NDC1: variants seen among roughly 807,000 people sequenced by gnomAD.
NDC1 encodes the protein nucleoporin NDC1.
A neutral mutation model predicts 89.8 loss-of-function variants in NDC1; 24 were observed. That is an observed-to-expected ratio of 0.27 (90% CI 0.19 to 0.38). The LOEUF (loss-of-function observed/expected upper bound fraction) is 0.38. Among genes scored for constraint, NDC1 ranks in the 10% least tolerant of loss-of-function variants. The pLI, the probability that NDC1 is intolerant of heterozygous loss-of-function variation, is 1.00. For missense variants in NDC1, 728 were observed against 797.6 expected (o/e 0.91, Z 1.05); for synonymous variants, 296 against 284.8 (o/e 1.04, Z -0.39).
intron 11 of NDC1, 62 bp downstream of exon 11, chr1:53,800,631 A>G: frequency 6.3e-7 from 1 of 1,579,106 alleles, no homozygotes; most frequent in Non-Finnish European, 8.7e-7. Flanking sequence ...AGTCTACTAC[A>G]GTCATCTTTC....
At chr1:53,771,149 T>G (rs1379881507) in intron 17 of NDC1, 1 of 193,130 alleles carries the variant, frequency 5.2e-6, no homozygotes, top group Non-Finnish European at 1.1e-5. Flanking sequence ...TCTACGGGTA[T>G]GCCCTTCTCC....
chr1:53,823,530 G>A (rs1221293575), intron 5 of NDC1, among the ~76,000 whole-genome samples: 3 of 152,172 alleles, frequency 2.0e-5, no homozygotes, highest in Admixed American at 6.5e-5. Flanking sequence ...ACTTCTATGT[G>A]CACTCTACTG....
chr1:53,820,701 CTTTTTTTTTT>C (rs927514677), intron 5 of NDC1, among the ~76,000 whole-genome samples: 30 of 74,880 alleles, frequency 4.0e-4, no homozygotes, highest in African/African-American at 1.5e-3. Context: ...ACTTCTCTCT[CTTTTTTTTTT>C]TTTTTTTTTT....
Position 53,835,548 on chromosome 1 carries a change from T to A in NDC1, c.130A>T (p.Ile44Leu). 1 of 1,613,496 alleles carries A rather than the reference T, an allele frequency of 6.2e-7. No homozygotes were observed. Among genetic ancestry groups the A allele is most frequent in the Non-Finnish European group, 8.5e-7 (1 of 1,179,522 alleles). Residue 44 changes from isoleucine (I) to leucine (L), a missense_variant, in exon 2 of 18, where the codon ATA (isoleucine) becomes TTA (leucine). By Grantham distance (5) the Ile-to-Leu change is conservative. Coordinates refer to ENST00000371429, the MANE Select transcript of NDC1 (RefSeq NM_018087.5). Reference protein sequence around the residue: ...LFLPICTTVFIIFSRIDLFHP... With the variant: ...LFLPICTTVFLIFSRIDLFHP... ...AACAAATCAATCCTGCTGAAAATTATAAATACTGTGGTGCAGATGGGTAGA... is the reference window on the plus strand; with the variant it reads ...AACAAATCAATCCTGCTGAAAATTAAAAATACTGTGGTGCAGATGGGTAGA...
chr1:53,813,084 C>T (rs568736350), intron 6 of NDC1, among the ~76,000 whole-genome samples: 40 of 152,264 alleles, frequency 2.6e-4, no homozygotes, highest in African/African-American at 9.6e-4. Context: ...ACCAAGCCAC[C>T]ATTACAAGAA....
At chr1:53,808,317 A>T (rs1648182867) in intron 7 of NDC1, among the ~76,000 whole-genome samples, 1 of 152,240 alleles carries the variant, frequency 6.6e-6, no homozygotes, top group Non-Finnish European at 1.5e-5. Context: ...TGACTAGATC[A>T]ATTAGCAAAG....
At chr1:53,828,424 T>C (rs1036453439) in intron 3 of NDC1, among the ~76,000 whole-genome samples, 3 of 151,994 alleles carry the variant, frequency 2.0e-5, no homozygotes, top group Non-Finnish European at 4.4e-5. Flanking sequence ...ATGATCAACA[T>C]TTTTCATTAA....
At chr1:53,790,931 A>G (rs1467188143) in intron 14 of NDC1, among the ~76,000 whole-genome samples, 1 of 152,094 alleles carries the variant, frequency 6.6e-6, no homozygotes, top group Non-Finnish European at 1.5e-5. Flanking sequence ...CCTGAGTATA[A>G]TATGTTTTTG....
intron 16 of NDC1, among the ~76,000 whole-genome samples, chr1:53,775,814 C>A (rs1054202619): frequency 6.6e-6 from 1 of 152,130 alleles, no homozygotes; most frequent in African/African-American, 2.4e-5. Context: ...GGGATGAAGT[C>A]TTTCCTGTTG....
At chr1:53,796,876 C>T in intron 12 of NDC1, 23 bp downstream of exon 12, 1 of 1,608,490 alleles carries the variant, frequency 6.2e-7, no homozygotes, top group South Asian at 1.1e-5. Context: ...CATTTAAAAT[C>T]TTAAAAAATA....
rs755407600 is a variant in NDC1, at chr1:53,811,287, G to T, written c.704-1541C>A. Among the ~76,000 whole-genome samples, 10 of 152,178 alleles carry T rather than the reference G, an allele frequency of 6.6e-5. 1 individual carries two copies. The highest frequency in any genetic ancestry group is 4.1e-4 in the South Asian group (2 of 4,828). On this transcript the variant is annotated intron_variant, in intron 6 of 17. Coordinates refer to ENST00000371429, the MANE Select transcript of NDC1 (RefSeq NM_018087.5). ...AGAAGCCTCCTGGCCAGAACTTGGG[G>T]GAGAGGGCAAATCTAATGTGTAGAC...
intron 3 of NDC1, among the ~76,000 whole-genome samples, chr1:53,830,095 G>A (rs899080350): frequency 7.2e-5 from 11 of 151,918 alleles, no homozygotes; most frequent in Admixed American, 3.3e-4. Flanking sequence ...AGGCGTCAGC[G>A]AGCCAAGACC....
rs1469673213 is a variant in NDC1, at chr1:53,825,844, A to G, written c.548T>C (p.Leu183Pro). 9.3e-6 allele frequency: 15 copies of G among 1,605,468 alleles called. No individual in the cohort carries two copies. The highest frequency in any genetic ancestry group is 1.3e-5 in the Non-Finnish European group (15 of 1,176,894). The change falls in exon 5 of 18, where the codon CTG (leucine) becomes CCG (proline). Residue 183 changes from leucine (L) to proline (P), a missense_variant. Leu to Pro is a moderately conservative substitution (Grantham distance 98). Coordinates refer to ENST00000371429, the MANE Select transcript of NDC1 (RefSeq NM_018087.5). ...GAFMGYSYSL[L>P]YFVNNMNYLP... Reference sequence around the variant, plus strand: ...ATAGTTCATGTTGTTAACAAAATACAGGAGGCTATAGCTATAGCCCATAAA... The same window carrying G: ...ATAGTTCATGTTGTTAACAAAATACGGGAGGCTATAGCTATAGCCCATAAA...
chr1:53,784,416 G>C (rs1224567796), intron 16 of NDC1, among the ~76,000 whole-genome samples: 1 of 152,204 alleles, frequency 6.6e-6, no homozygotes, highest in Non-Finnish European at 1.5e-5. Flanking sequence ...CAACACTTTG[G>C]GAGGCCGAGG....
At chr1:53,834,832 G>A (rs1050870810) in intron 2 of NDC1, among the ~76,000 whole-genome samples, 1 of 152,200 alleles carries the variant, frequency 6.6e-6, no homozygotes, top group Non-Finnish European at 1.5e-5. Context: ...TTTAGGCCAG[G>A]TGCGGTGGCT....
Position 53,806,531 on chromosome 1 carries a change from T to G in NDC1, c.892-14A>C. 1 of 1,440,850 alleles carries G rather than the reference T, an allele frequency of 6.9e-7. No individual in the cohort carries two copies. The highest frequency in any genetic ancestry group is 9.2e-7 in the Non-Finnish European group (1 of 1,089,972). The allele number at this position is 1,440,850 out of a possible 1,614,324, so 89.3% of individuals were successfully genotyped here. A position where few individuals can be genotyped will look rare whatever the true frequency, so the allele number is the denominator to read the frequency against. Reference sequence around the variant, plus strand: ...AAACACATGAGCCTATCAAATAAATTAAAAACCAAAAATGATTATTTTCAT... The same window carrying G: ...AAACACATGAGCCTATCAAATAAATGAAAAACCAAAAATGATTATTTTCAT... On this transcript the variant is annotated splice_polypyrimidine_tract_variant and intron_variant, in intron 8 of 17. Transcript: ENST00000371429.
chr1:53,779,640 C>T (rs897526980), intron 16 of NDC1, among the ~76,000 whole-genome samples: 5 of 152,244 alleles, frequency 3.3e-5, no homozygotes, highest in African/African-American at 7.2e-5. Flanking sequence ...GGTCCAAAAC[C>T]CTAGTTTCCA....
At chr1:53,829,606 T>C (rs1648985184) in intron 3 of NDC1, among the ~76,000 whole-genome samples, 1 of 152,204 alleles carries the variant, frequency 6.6e-6, no homozygotes, top group South Asian at 2.1e-4. Flanking sequence ...GGACCTATCA[T>C]TTCTCTTTTC....
At chr1:53,830,043 C>A (rs1323587232) in intron 3 of NDC1, among the ~76,000 whole-genome samples, 1 of 151,858 alleles carries the variant, frequency 6.6e-6, no homozygotes, top group Non-Finnish European at 1.5e-5. Context: ...CCCAGCTACT[C>A]AGGAGGTTGA....
Sources: allele counts gnomAD v4.1 joint callset (sites outside exome capture counted in the v4.1 genomes callset), GRCh38; gene constraint gnomAD v4.1.1; transcripts MANE v1.5; gene names NCBI Gene and HGNC (gene_info 2026-07-23, HGNC 2026-07-21).